The following CLCN7 variants were observed in gnomAD, a reference collection of about 807,000 sequenced individuals.
CLCN7 encodes H(+)/Cl(-) exchange transporter 7.
In CLCN7, 60 loss-of-function variants were observed where a neutral mutation model predicts 102.1. The observed-to-expected ratio is 0.59, with a 90% confidence interval of 0.48 to 0.73. The LOEUF (loss-of-function observed/expected upper bound fraction) is 0.73. CLCN7 is among the 30% of genes least tolerant of loss of function. The pLI is 0.00. For missense variants in CLCN7, 962 were observed against 1,125.7 expected (o/e 0.85, Z 2.08); for synonymous variants, 560 against 490.5 (o/e 1.14, Z -1.87).
intron 1 of CLCN7, among the ~76,000 whole-genome samples, chr16:1,469,492 C>A (rs1055541427): frequency 2.6e-5 from 4 of 151,820 alleles, no homozygotes; most frequent in Non-Finnish European, 4.4e-5. Flanking sequence ...TCAAGACCAG[C>A]CTGACCAATG....
intron 21 of CLCN7, 44 bp downstream of exon 21, chr16:1,448,311 C>A (rs2142367059): frequency 1.2e-6 from 2 of 1,609,454 alleles, no homozygotes; most frequent in East Asian, 2.2e-5. Context: ...ATGGACTCGA[C>A]AGAGGTCACA....
At chr16:1,474,098 T>A (rs888468270) in intron 1 of CLCN7, 105 of 429,264 alleles carry the variant, frequency 2.4e-4, no homozygotes, top group African/African-American at 1.1e-3. Context: ...AAAAAAAAAA[T>A]ATTAAGACAA....
chr16:1,448,584 C>G (rs150643398), intron 20 of CLCN7, 97 bp downstream of exon 20: 3 of 1,601,202 alleles, frequency 1.9e-6, no homozygotes, highest in Non-Finnish European at 2.5e-6. Context: ...ACAGGAAACG[C>G]GGGGCTGCCT....
chr16:1,456,265 G>C (rs2038834462), intron 9 of CLCN7, 59 bp from the exon 10 acceptor site: 6 of 1,297,588 alleles, frequency 4.6e-6, no homozygotes, highest in Non-Finnish European at 6.5e-6. Context: ...CTCTCAGAAA[G>C]GGAGAGCAAC....
At chr16:1,469,462 G>A (rs1409668767) in intron 1 of CLCN7, among the ~76,000 whole-genome samples, 1 of 152,026 alleles carries the variant, frequency 6.6e-6, no homozygotes, top group Non-Finnish European at 1.5e-5. Context: ...GAGGCGGGCT[G>A]ATCACTTGAG....
At chr16:1,473,484 C>T (rs113684818) in intron 1 of CLCN7, among the ~76,000 whole-genome samples, 1 of 146,776 alleles carries the variant, frequency 6.8e-6, no homozygotes, top group Admixed American at 7.0e-5. Context: ...ATTGATTCTC[C>T]TGCCTCAGCC....
At chr16:1,449,351 G>A (rs753899481) in intron 17 of CLCN7, 24 bp from the exon 18 acceptor site, 3 of 1,573,488 alleles carry the variant, frequency 1.9e-6, no homozygotes, top group African/African-American at 2.7e-5. Flanking sequence ...CACGGAGGAG[G>A]TGTCAGTGTG....
intron 11 of CLCN7, 22 bp downstream of exon 11, chr16:1,455,709 G>A: frequency 6.2e-7 from 1 of 1,612,328 alleles, no homozygotes; most frequent in East Asian, 2.2e-5. Context: ...TGATCAGGAG[G>A]CAGCCATCAG....
chr16:1,461,020 C>G, intron 4 of CLCN7, 72 bp from the exon 5 acceptor site: 13 of 1,574,584 alleles, frequency 8.3e-6, no homozygotes, highest in Non-Finnish European at 9.5e-6. Context: ...CAGGACCGCC[C>G]AGACCGCCTG....
chr16:1,473,491 AGCCTCCCG>A (rs1236952533), intron 1 of CLCN7, among the ~76,000 whole-genome samples: 1 of 143,138 alleles, frequency 7.0e-6, no homozygotes, highest in Non-Finnish European at 1.5e-5. Flanking sequence ...CTCCTGCCTC[AGCCTCCCG>A]AGTAGCTGGG....
At chr16:1,456,648 G>A (rs182630186) in intron 9 of CLCN7, among the ~76,000 whole-genome samples, 176 of 152,154 alleles carry the variant, frequency 1.2e-3, no homozygotes, top group African/African-American at 3.7e-3. Flanking sequence ...AGACCAGCCC[G>A]GCCAACATGG....
chr16:1,446,555 A>T lies in CLCN7; in HGVS notation c.*76T>A. 7.4e-7 allele frequency: 1 copy of T among 1,350,450 alleles called. No individual in the cohort carries two copies. The highest frequency in any genetic ancestry group is 1.0e-6 in the Non-Finnish European group (1 of 965,946). The allele number at this position is 1,350,450 out of a possible 1,614,324, so 83.7% of individuals were successfully genotyped here. On this transcript the variant is annotated 3_prime_UTR_variant, in exon 25 of 25. Transcript: ENST00000382745. The stretch of plus-strand genomic sequence containing the variant: ...GCTGGGGAGCATGGTTTGGGCCGAG[A>T]AACCAGTGACTCCGGGAGGAAATGC...
At chr16:1,458,736 G>C (rs2038878210) in intron 7 of CLCN7, among the ~76,000 whole-genome samples, 1 of 152,182 alleles carries the variant, frequency 6.6e-6, no homozygotes, top group African/African-American at 2.4e-5. Context: ...AAGTGTAAAT[G>C]ACCATGAGGC....
intron 2 of CLCN7, among the ~76,000 whole-genome samples, chr16:1,464,954 G>A (rs557642012): frequency 2.1e-5 from 3 of 140,162 alleles, no homozygotes; most frequent in African/African-American, 7.4e-5. Flanking sequence ...CACTCTCCTG[G>A]GGCTCCTCAC....
rs544045172 is a variant in CLCN7 at position 1,469,110 on chromosome 16, G to A, written c.142-3772C>T. The stretch of plus-strand genomic sequence containing the variant: ...AATCCCAGCTACTCGGGAGGCTAAG[G>A]CAGGAGAACTGCTTGAACCCGGGAG... On this transcript the variant is annotated intron_variant, in intron 1 of 24. Transcript: ENST00000382745. Among the ~76,000 whole-genome samples the A allele has an allele frequency of 6.1e-4, 93 of 152,076 alleles. 1 individual carries two copies. In the South Asian group the frequency reaches 8.9e-3, roughly 15 times the overall value.
At position 1,457,683 on chromosome 16, in the gene CLCN7, C is replaced by A. The variant is rs756167688; in HGVS notation, c.738+11G>T. 1 of 1,613,450 alleles carries A rather than the reference C, an allele frequency of 6.2e-7. No individual in the cohort carries two copies. The highest frequency in any genetic ancestry group is 1.7e-5 in the Admixed American group (1 of 60,034). On this transcript the variant is annotated intron_variant, in intron 8 of 24. Transcript: ENST00000382745. The surrounding 1 kb of genome is among the most constrained non-coding windows in gnomAD (Gnocchi z 5.4). The stretch of plus-strand genomic sequence containing the variant: ...AGGCTCCAGCTGGAGTGGCCATGTG[C>A]ACTTTGTTACCTTTCCCACGGCCAG...
intron 24 of CLCN7, 136 bp from the exon 25 acceptor site, chr16:1,446,853 G>A (rs1365197622): frequency 1.3e-5 from 14 of 1,109,008 alleles, no homozygotes; most frequent in Non-Finnish European, 1.7e-5. Flanking sequence ...AGCTGAGCAC[G>A]GGGCTGGGGA....
chr16:1,451,132 G>A (rs1323471023), intron 16 of CLCN7, among the ~76,000 whole-genome samples: 1 of 152,244 alleles, frequency 6.6e-6, no homozygotes, highest in Non-Finnish European at 1.5e-5. Context: ...CTCCAAGGTC[G>A]CGGTCTGCGC....
At chr16:1,450,034 A>T in intron 17 of CLCN7, 1 of 181,558 alleles carries the variant, frequency 5.5e-6, no homozygotes, top group South Asian at 1.2e-4. Context: ...TGAAATGAGA[A>T]ACAGAAGACA....
Sources: gnomAD v4.1 joint callset for allele counts (sites outside exome capture counted in the v4.1 genomes callset) on GRCh38, gnomAD v4.1.1 for gene constraint, Gnocchi (gnomAD v3.1) non-coding constraint, MANE v1.5 for transcripts, NCBI Gene and HGNC (gene_info 2026-07-23, HGNC 2026-07-21) for gene names.